Variants in PARD3B observed in about 807,000 individuals in gnomAD.
PARD3B encodes partitioning defective 3 homolog B.
Under a neutral mutation model 130.2 loss-of-function variants are expected in PARD3B, and 103 were observed. The observed-to-expected ratio is 0.79, with a 90% CI of 0.67 to 0.93. The LOEUF (loss-of-function observed/expected upper bound fraction) is 0.93, where lower values mean the gene tolerates loss of function less well. Ranked by LOEUF, PARD3B falls within the 40% of genes least tolerant of loss-of-function variation. The probability of loss-of-function intolerance (pLI) is 0.00; values close to 1 mark genes in which losing one functional copy is unlikely to be tolerated. For synonymous variants in PARD3B, 583 were observed against 553.2 expected, an observed-to-expected ratio of 1.05 and a Z score of -0.76; for missense variants, 1,609 against 1,499.2, an observed-to-expected ratio of 1.07 and a Z score of -1.21.
intron 15 of PARD3B, among the ~76,000 whole-genome samples, chr2:205,210,400 T>G (rs1327113257): frequency 1.3e-5 from 2 of 152,110 alleles, no homozygotes; most frequent in African/African-American, 4.8e-5. Context: ...CTCTGGATCT[T>G]TACTTCTACA....
chr2:204,630,133 C>A (rs1276916145), intron 1 of PARD3B, among the ~76,000 whole-genome samples: 2 of 152,022 alleles, frequency 1.3e-5, no homozygotes, highest in African/African-American at 4.8e-5. Flanking sequence ...CAAACTAGGC[C>A]TCATCTAGTA....
At chr2:205,284,599 A>G (rs967062363) in intron 16 of PARD3B, among the ~76,000 whole-genome samples, 1 of 152,198 alleles carries the variant, frequency 6.6e-6, no homozygotes, top group African/African-American at 2.4e-5. Flanking sequence ...GGTAATAATA[A>G]TAATAGAAAA....
At position 204,961,729 on chromosome 2, in the gene PARD3B, C is replaced by G. The variant is rs112570312; in HGVS notation, c.223-3423C>G. Among the ~76,000 whole-genome samples, 239 of 152,150 alleles carry G rather than the reference C, an allele frequency of 1.6e-3. 1 individual carries two copies. Among genetic ancestry groups the G allele is most frequent in the African/African-American group, 5.4e-3 (225 of 41,522 alleles). On this transcript the variant is annotated intron_variant, in intron 2 of 22. Coordinates refer to ENST00000406610, the MANE Select transcript of PARD3B (RefSeq NM_001302769.2). ...GGGGCCCAGAGAAATAAGGGTATAC[C>G]AAGAGACTGGTGCCCTGGAATCCAA...
At chr2:205,533,109 G>GAAAA (rs1399589208) in intron 21 of PARD3B, among the ~76,000 whole-genome samples, 1 of 152,060 alleles carries the variant, frequency 6.6e-6, no homozygotes, top group East Asian at 1.9e-4. Context: ...TCATTGCAAA[G>GAAAA]AAAAGAAAGC....
At chr2:204,705,286 T>G (rs2038086145) in intron 2 of PARD3B, among the ~76,000 whole-genome samples, 1 of 152,124 alleles carries the variant, frequency 6.6e-6, no homozygotes, top group Non-Finnish European at 1.5e-5. Context: ...CCCATATTCT[T>G]GTGGGGAAAG....
chr2:205,175,740 A>G (rs971123802), intron 12 of PARD3B, among the ~76,000 whole-genome samples: 4 of 152,218 alleles, frequency 2.6e-5, no homozygotes, highest in African/African-American at 9.7e-5. Flanking sequence ...GGAAAAAAAA[A>G]TAGTTAAGAG....
rs202162813 is a variant in PARD3B, at chr2:204,918,644, A to C, written c.223-46508A>C. On this transcript the variant is annotated intron_variant, in intron 2 of 22. Transcript: ENST00000406610. ...GACTCCGTCTCAAAAAAAAAAAAAA[A>C]AAAGAAAATGCTTTTTTTACTTGCT... 3.4e-5 allele frequency among the ~76,000 whole-genome samples: 5 copies of C among 146,174 alleles called. No individual in the cohort carries two copies. The East Asian group carries it at 9.6e-4, about 28-fold the overall frequency.
At chr2:205,201,954 T>C (rs1023784421) in intron 15 of PARD3B, among the ~76,000 whole-genome samples, 8 of 152,292 alleles carry the variant, frequency 5.3e-5, no homozygotes, top group Middle Eastern at 3.4e-3. Context: ...CAGAATATAA[T>C]TGTAGTGAGA....
At chr2:204,690,276 A>G (rs2037294428) in intron 2 of PARD3B, among the ~76,000 whole-genome samples, 1 of 152,190 alleles carries the variant, frequency 6.6e-6, no homozygotes, top group Admixed American at 6.6e-5. Flanking sequence ...TGCACCAACT[A>G]TAGACTGTGC....
chr2:205,494,107 T>C (rs1184636332), intron 20 of PARD3B, among the ~76,000 whole-genome samples: 3 of 152,224 alleles, frequency 2.0e-5, no homozygotes, highest in Admixed American at 2.0e-4. Flanking sequence ...GACACCAGGC[T>C]GGTACCCACA....
At chr2:204,952,914 G>A (rs188067867) in intron 2 of PARD3B, among the ~76,000 whole-genome samples, 10 of 150,866 alleles carry the variant, frequency 6.6e-5, no homozygotes, top group African/African-American at 1.7e-4. Context: ...GGAGAATGGC[G>A]TGAACCCAGG....
chr2:205,613,129 C>T (rs2105798832), intron 22 of PARD3B, among the ~76,000 whole-genome samples: 1 of 152,326 alleles, frequency 6.6e-6, no homozygotes, highest in South Asian at 2.1e-4. Context: ...TGGAATTCTT[C>T]CTTTCTCTCT....
intron 18 of PARD3B, among the ~76,000 whole-genome samples, chr2:205,337,896 G>A (rs1371971011): frequency 6.6e-6 from 1 of 151,538 alleles, no homozygotes. Context: ...ATGCCTGTAA[G>A]CCCAGCAGTT....
At chr2:205,153,834 G>A (rs1482706926) in intron 10 of PARD3B, among the ~76,000 whole-genome samples, 2 of 152,146 alleles carry the variant, frequency 1.3e-5, no homozygotes, top group East Asian at 3.8e-4. Context: ...GGGAAAACTG[G>A]CTAGCCATAT....
At chr2:204,885,856 G>A (rs1009138300) in intron 2 of PARD3B, among the ~76,000 whole-genome samples, 2 of 151,864 alleles carry the variant, frequency 1.3e-5, no homozygotes, top group African/African-American at 4.8e-5. Context: ...AGTTGCTCAA[G>A]AAACATGTGT....
chr2:205,206,451 G>T (rs1245631435), intron 15 of PARD3B, among the ~76,000 whole-genome samples: 3 of 147,906 alleles, frequency 2.0e-5, no homozygotes, highest in Non-Finnish European at 4.4e-5. Context: ...CCACCTATGA[G>T]TGAGAATATG....
intron 1 of PARD3B, among the ~76,000 whole-genome samples, chr2:204,558,793 A>G (rs540495504): frequency 6.6e-6 from 1 of 152,308 alleles, no homozygotes; most frequent in East Asian, 1.9e-4. Flanking sequence ...TTCAAACTAT[A>G]CTACAAGGCT....
chr2:205,423,332 G>A (rs925480021), intron 19 of PARD3B, among the ~76,000 whole-genome samples: 2 of 152,208 alleles, frequency 1.3e-5, no homozygotes, highest in African/African-American at 4.8e-5. Flanking sequence ...TCCTTTTGGA[G>A]GTAGGAGGGG....
chr2:204,640,343 TTC>T (rs748075554), intron 1 of PARD3B, among the ~76,000 whole-genome samples: 3 of 152,142 alleles, frequency 2.0e-5, no homozygotes, highest in Non-Finnish European at 2.9e-5. Context: ...CATCAGCAGG[TTC>T]CCTTGCCCCA....
Sources: gnomAD v4.1 joint callset for allele counts (sites outside exome capture counted in the v4.1 genomes callset) on GRCh38, gnomAD v4.1.1 for gene constraint, MANE v1.5 for transcripts, NCBI Gene and HGNC (gene_info 2026-07-23, HGNC 2026-07-21) for gene names.